RPP40: variants seen among roughly 807,000 people sequenced by gnomAD.
The protein encoded by RPP40 is ribonuclease P/MRP subunit p40.
RPP40 carries 30 observed loss-of-function variants against 42.5 expected under a neutral mutation model. The observed-to-expected ratio is 0.71, with a 90% CI of 0.53 to 0.96. The LOEUF (loss-of-function observed/expected upper bound fraction) is 0.96, where lower values mean the gene tolerates loss of function less well. RPP40 is among the 40% of genes least tolerant of loss of function. The pLI is 0.00. For missense variants in RPP40, 426 were observed against 433.5 expected (o/e 0.98, Z 0.15); for synonymous variants, 173 against 164.0 (o/e 1.05, Z -0.42).
At chr6:4,992,267 G>T (rs1759271343), downstream of RPP40, among the ~76,000 whole-genome samples, 1 of 151,962 alleles carries the variant, frequency 6.6e-6, no homozygotes, top group Non-Finnish European at 1.5e-5. Flanking sequence ...TACTCAAGAG[G>T]CTGAGGCAGG....
At chr6:4,989,820 T>C (rs560108247), downstream of RPP40, among the ~76,000 whole-genome samples, 1 of 152,368 alleles carries the variant, frequency 6.6e-6, no homozygotes, top group East Asian at 1.9e-4. Context: ...CACTTATTTG[T>C]TCTAGTAGCT....
intron 1 of RPP40, 35 bp downstream of exon 1, chr6:5,003,845 G>A (rs759661426): frequency 1.9e-6 from 3 of 1,591,818 alleles, no homozygotes; most frequent in East Asian, 4.5e-5. Context: ...CGGGGACTGA[G>A]CACGGCCCGA....
downstream of RPP40, chr6:4,994,631 A>T (rs1243603373): frequency 6.1e-6 from 1 of 165,130 alleles, no homozygotes; most frequent in Non-Finnish European, 1.3e-5. Context: ...GTATTTACAC[A>T]CTGTGCCTCA....
At chr6:4,997,353 C>CA (rs2127540850) in intron 5 of RPP40, among the ~76,000 whole-genome samples, 1 of 152,336 alleles carries the variant, frequency 6.6e-6, no homozygotes, top group Non-Finnish European at 1.5e-5. Context: ...GTCAGAGGAA[C>CA]AGTGAATTCG....
chr6:4,993,392 TATACTC>T (rs1194373576), downstream of RPP40, among the ~76,000 whole-genome samples: 2 of 152,234 alleles, frequency 1.3e-5, no homozygotes, highest in African/African-American at 4.8e-5. Flanking sequence ...TCGTTGTTCT[TATACTC>T]ATGCCATTTA....
At chr6:5,000,534 TAAAG>T (rs761958484) in intron 3 of RPP40, 25 bp downstream of exon 3, 12 of 1,262,240 alleles carry the variant, frequency 9.5e-6, no homozygotes, top group African/African-American at 6.2e-5. Flanking sequence ...TTTTAACAAT[TAAAG>T]AAAGATGAAA....
chr6:4,999,045 CAG>C (rs1282856017), intron 4 of RPP40, among the ~76,000 whole-genome samples: 3 of 152,114 alleles, frequency 2.0e-5, no homozygotes, highest in Admixed American at 2.0e-4. Flanking sequence ...CTAATAAAAA[CAG>C]ACATTTTCAA....
intron 3 of RPP40, 55 bp downstream of exon 3, chr6:5,000,508 T>TTTTA: frequency 9.7e-7 from 1 of 1,033,590 alleles, no homozygotes; most frequent in Non-Finnish European, 1.5e-6. Flanking sequence ...TTTTTTTTTT[T>TTTTA]ACAGTATGCA....
downstream of RPP40, among the ~76,000 whole-genome samples, chr6:4,993,705 AC>A (rs1417210111): frequency 2.0e-5 from 3 of 152,146 alleles, no homozygotes; most frequent in Admixed American, 6.5e-5. Context: ...CAAACAAGCC[AC>A]CCTAAAAACT....
At chr6:5,003,319 C>A in intron 1 of RPP40, among the ~76,000 whole-genome samples, 1 of 122,522 alleles carries the variant, frequency 8.2e-6, no homozygotes, top group South Asian at 2.7e-4. Flanking sequence ...TGCACTCCAG[C>A]CTGGGCGACA....
downstream of RPP40, among the ~76,000 whole-genome samples, chr6:4,993,473 A>C (rs1012977449): frequency 9.2e-5 from 14 of 152,156 alleles, no homozygotes; most frequent in Non-Finnish European, 1.9e-4. Context: ...TTAACATCTT[A>C]AGTCTTTCTG....
chr6:4,991,389 G>A (rs182104120), downstream of RPP40, among the ~76,000 whole-genome samples: 21 of 152,112 alleles, frequency 1.4e-4, no homozygotes, highest in African/African-American at 4.3e-4. Context: ...TATAAATCCC[G>A]TACTATGATT....
intron 1 of RPP40, among the ~76,000 whole-genome samples, chr6:5,003,368 G>GAAAAAAAAAAAAAAAA (rs1491464485): frequency 8.1e-6 from 1 of 123,458 alleles, no homozygotes; most frequent in African/African-American, 3.2e-5. Context: ...AAAAAAAAAA[G>GAAAAAAAAAAAAAAAA]GAAAATCAGT....
intron 4 of RPP40, among the ~76,000 whole-genome samples, chr6:4,999,470 T>C (rs572371566): frequency 2.8e-3 from 424 of 152,174 alleles, no homozygotes; most frequent in Non-Finnish European, 3.6e-3. Flanking sequence ...AGCTAATTTT[T>C]GCATTTTTAG....
chr6:5,003,342 G>A (rs1214875847), intron 1 of RPP40, among the ~76,000 whole-genome samples: 16 of 16,160 alleles, frequency 9.9e-4, no homozygotes, highest in Non-Finnish European at 2.8e-4. Flanking sequence ...GCGAAACTCC[G>A]TCTAAAAAAA....
In RPP40 at chr6:5,000,645, TAC is replaced by T. The variant is rs767491910; in HGVS notation, c.269-16_269-15del. On this transcript the variant is annotated splice_polypyrimidine_tract_variant and intron_variant, in intron 2 of 7. Transcript: ENST00000380051. Reference sequence around the variant, plus strand: ...CATAGCAAGAACCTGGAAGAGAAAGTACAGAGGAAAAATTTAAAACAAGAAAT... The same window carrying T: ...CATAGCAAGAACCTGGAAGAGAAAGTAGAGGAAAAATTTAAAACAAGAAAT... The T allele has an allele frequency of 2.6e-6, 4 of 1,525,256 alleles. No homozygotes were observed. The African/African-American group carries it at 4.1e-5, about 16-fold the overall frequency. 94.5% of individuals were successfully genotyped at this position (1,525,256 alleles called of 1,614,324 possible).
downstream of RPP40, among the ~76,000 whole-genome samples, chr6:4,991,430 G>A (rs1300251726): frequency 6.6e-6 from 1 of 152,076 alleles, no homozygotes; most frequent in African/African-American, 2.4e-5. Flanking sequence ...TTTTTCTCAA[G>A]TTATTTCTCA....
chr6:5,000,688 T>A, intron 2 of RPP40, 57 bp from the exon 3 acceptor site: 1 of 1,047,004 alleles, frequency 9.6e-7, no homozygotes, highest in Non-Finnish European at 1.5e-6. Flanking sequence ...CTGCAAGATG[T>A]TAGTGGATTA....
At chr6:4,990,493 CCTTT>C (rs1027005539), downstream of RPP40, among the ~76,000 whole-genome samples, 2 of 151,926 alleles carry the variant, frequency 1.3e-5, no homozygotes, top group African/African-American at 4.8e-5. Context: ...TCCTTCTCTC[CCTTT>C]CTTTGAGTCA....
Sources: allele counts gnomAD v4.1 joint callset (sites outside exome capture counted in the v4.1 genomes callset), GRCh38; gene constraint gnomAD v4.1.1; transcripts MANE v1.5; gene names NCBI Gene and HGNC (gene_info 2026-07-23, HGNC 2026-07-21).